Variants in CAMK2B observed in about 807,000 individuals in gnomAD.
The protein encoded by CAMK2B is calcium/calmodulin-dependent protein kinase type II subunit beta.
CAMK2B carries 27 observed loss-of-function variants against 93.7 expected under a neutral mutation model. The observed-to-expected ratio is 0.29, with a 90% CI of 0.21 to 0.40. The LOEUF is 0.40. Among genes scored for constraint, CAMK2B ranks in the 10% least tolerant of loss-of-function variants. CAMK2B has a pLI of 1.00. For missense variants in CAMK2B, 568 were observed against 895.8 expected (o/e 0.63, Z 4.67); for synonymous variants, 374 against 358.8 (o/e 1.04, Z -0.48).
intron 1 of CAMK2B, among the ~76,000 whole-genome samples, chr7:44,291,665 A>G (rs1374823766): frequency 2.0e-5 from 3 of 152,254 alleles, no homozygotes; most frequent in Non-Finnish European, 4.4e-5. Context: ...ACTCACTTAT[A>G]GGAAAGAACA....
At chr7:44,307,172 G>C (rs111211431) in intron 1 of CAMK2B, among the ~76,000 whole-genome samples, 2 of 87,770 alleles carry the variant, frequency 2.3e-5, no homozygotes, top group Non-Finnish European at 2.4e-5. Context: ...TGTGAGCAGA[G>C]GGAGGAGGGT....
chr7:44,243,643 C>CA (rs1183238236), intron 6 of CAMK2B, 116 bp from the exon 7 acceptor site: 2 of 755,392 alleles, frequency 2.6e-6, no homozygotes, highest in Non-Finnish European at 4.5e-6. Flanking sequence ...GACAGGTGCA[C>CA]AGGTCTGAGC....
Position 44,220,915 on chromosome 7 carries a change from T to A in CAMK2B, c.1598-14A>T. The A allele has an allele frequency of 6.4e-7, 1 of 1,556,996 alleles. No homozygotes were observed. ...CCTGCTTCCGGGCTGTGGGGAGACA[T>A]GGCCAGGTGACCACTGGGCGCTGGC... On this transcript the variant is annotated splice_polypyrimidine_tract_variant and intron_variant, in intron 20 of 23. Transcript: ENST00000395749.
At chr7:44,274,528 G>A (rs1173559594) in intron 2 of CAMK2B, among the ~76,000 whole-genome samples, 2 of 152,164 alleles carry the variant, frequency 1.3e-5, no homozygotes, top group Non-Finnish European at 1.5e-5. Flanking sequence ...TGCCCAAGTC[G>A]TCCCGGGCAC....
In CAMK2B at chr7:44,239,635, T is replaced by C. The variant is rs1214730999; in HGVS notation, c.975A>G (p.Thr325=). ...SVGRQTTAPA[T]MSTAASGTTM... ...TGGTGCCGGAGGCCGCGGTGGACAT[T>C]GTGGCCGGAGCGGTGGTCTGTCTGC... Residue 325 remains threonine (T), a synonymous_variant, in exon 13 of 24, where the codon ACA becomes ACG. Transcript: ENST00000395749. 1.9e-6 allele frequency: 3 copies of C among 1,547,226 alleles called. No homozygotes were observed. The highest frequency in any genetic ancestry group is 2.5e-5 in the East Asian group (1 of 40,700).
rs1251189073 is a variant in CAMK2B, at chr7:44,248,859, C to G, written c.342-1667G>C. 6.6e-6 allele frequency among the ~76,000 whole-genome samples: 1 copy of G among 152,102 alleles called. No individual in the cohort carries two copies. The highest frequency in any genetic ancestry group is 1.5e-5 in the Non-Finnish European group (1 of 68,006). On this transcript the variant is annotated intron_variant, in intron 5 of 23. Coordinates refer to ENST00000395749, the MANE Select transcript of CAMK2B (RefSeq NM_001220.5). This position sits in a 1 kb window ranked among gnomAD's most constrained non-coding sequence, Gnocchi z 4.1. ...GTGTGGGGTCAGAAGAAGCCAGGCC[C>G]AAACTCATGGGAGACAGCCCCTTGG...
At chr7:44,228,695 G>A (rs1233756393) in intron 19 of CAMK2B, 101 bp downstream of exon 19, 2 of 1,160,510 alleles carry the variant, frequency 1.7e-6, no homozygotes, top group South Asian at 2.0e-5. Context: ...GCCGGGGCAG[G>A]GTAGCTGGGC....
intron 2 of CAMK2B, among the ~76,000 whole-genome samples, chr7:44,269,165 A>G (rs1400976928): frequency 1.3e-5 from 2 of 152,186 alleles, no homozygotes; most frequent in African/African-American, 4.8e-5. Flanking sequence ...AAGATGAGGA[A>G]ACTGAGGCAC....
intron 2 of CAMK2B, chr7:44,268,711 G>C (rs972958738): frequency 6.6e-6 from 1 of 152,262 alleles, no homozygotes; most frequent in African/African-American, 2.4e-5. Context: ...AGGGGAGTGG[G>C]GGCTCCTCCA....
intron 6 of CAMK2B, 66 bp from the exon 7 acceptor site, chr7:44,243,593 G>T: frequency 1.5e-6 from 2 of 1,316,956 alleles, no homozygotes; most frequent in Non-Finnish European, 1.1e-6. Context: ...GTGGGGTTGG[G>T]TGGGGGGTTA....
chr7:44,226,296 A>G lies in CAMK2B; in HGVS notation c.1597+220T>C, dbSNP rs576474444. 3.9e-5 allele frequency among the ~76,000 whole-genome samples: 6 copies of G among 152,200 alleles called. No individual in the cohort carries two copies. In the East Asian group the frequency reaches 1.2e-3, roughly 29 times the overall value. ...ACCTGCTCTTTCGGACGCTCTTCCT[A>G]TACACATATGTCATACACACTTCAT... On this transcript the variant is annotated intron_variant, in intron 20 of 23. Transcript: ENST00000395749.
chr7:44,249,655 C>T (rs1554396859), intron 5 of CAMK2B, among the ~76,000 whole-genome samples: 1 of 152,204 alleles, frequency 6.6e-6, no homozygotes, highest in Non-Finnish European at 1.5e-5. Context: ...ATGTGCAGAG[C>T]TTGTGGTCAC....
chr7:44,308,865 A>T (rs146295219), intron 1 of CAMK2B, among the ~76,000 whole-genome samples: 96 of 152,252 alleles, frequency 6.3e-4, no homozygotes, highest in African/African-American at 2.1e-3. Context: ...TGAGCAGACC[A>T]TCCCTCCCCG....
intron 1 of CAMK2B, among the ~76,000 whole-genome samples, chr7:44,307,494 C>T (rs1755567013): frequency 6.6e-6 from 1 of 151,866 alleles, no homozygotes; most frequent in African/African-American, 2.4e-5. Flanking sequence ...AGCCTGGGGC[C>T]TCCTGTGTCA....
intron 5 of CAMK2B, among the ~76,000 whole-genome samples, chr7:44,250,297 G>A (rs1394830386): frequency 6.6e-6 from 1 of 152,220 alleles, no homozygotes; most frequent in Non-Finnish European, 1.5e-5. Context: ...CATCTTGTCT[G>A]CCGTCACTTT....
At chr7:44,226,724 G>A in intron 19 of CAMK2B, 80 bp from the exon 20 acceptor site, 1 of 1,127,132 alleles carries the variant, frequency 8.9e-7, no homozygotes, top group Non-Finnish European at 1.1e-6. Context: ...AGACAGCCAA[G>A]CCAGAGATTG....
At chr7:44,267,359 G>T (rs1485441474) in intron 2 of CAMK2B, among the ~76,000 whole-genome samples, 1 of 152,216 alleles carries the variant, frequency 6.6e-6, no homozygotes, top group East Asian at 1.9e-4. Context: ...GGAGACTCAA[G>T]AGGTGATGCT....
rs768726639 is a variant in CAMK2B at position 44,224,852 on chromosome 7, G to A, written c.1597+1664C>T. Among the ~76,000 whole-genome samples, 84 of 152,168 alleles carry A rather than the reference G, an allele frequency of 5.5e-4. No individual in the cohort carries two copies. Among genetic ancestry groups the A allele is most frequent in the Middle Eastern group, 3.4e-3 (1 of 294 alleles). Reference sequence around the variant, plus strand: ...CCTTCTGGAGAAAGGAGGTGGAAAGGAGGCAGAAAGCTGGCCACCTGCCAC... The same window carrying A: ...CCTTCTGGAGAAAGGAGGTGGAAAGAAGGCAGAAAGCTGGCCACCTGCCAC... On this transcript the variant is annotated intron_variant, in intron 20 of 23. Transcript: ENST00000395749. The surrounding 1 kb of genome is among the most constrained non-coding windows in gnomAD (Gnocchi z 4.4).
chr7:44,278,294 T>A (rs563098769), intron 2 of CAMK2B, among the ~76,000 whole-genome samples: 1 of 152,250 alleles, frequency 6.6e-6, no homozygotes, highest in African/African-American at 2.4e-5. Context: ...GGCAGCGATG[T>A]GGAGAGGGAT....
Sources: allele counts gnomAD v4.1 joint callset (sites outside exome capture counted in the v4.1 genomes callset), GRCh38; gene constraint gnomAD v4.1.1; non-coding constraint Gnocchi (gnomAD v3.1); transcripts MANE v1.5; gene names NCBI Gene and HGNC (gene_info 2026-07-23, HGNC 2026-07-21).